Variants in LRRFIP2 observed in about 807,000 individuals in gnomAD.
LRRFIP2 encodes the protein LRR binding FLII interacting protein 2.
A neutral mutation model predicts 125.9 loss-of-function variants in LRRFIP2; 109 were observed. The ratio of observed to expected loss-of-function variants is 0.87; its 90% CI spans 0.74 to 1.01. The LOEUF (loss-of-function observed/expected upper bound fraction) is 1.01, where lower values mean the gene tolerates loss of function less well. Ranked by LOEUF, LRRFIP2 falls within the 50% of genes least tolerant of loss-of-function variation. The probability of loss-of-function intolerance (pLI) is 0.00; values close to 1 mark genes in which losing one functional copy is unlikely to be tolerated. For synonymous variants in LRRFIP2, 291 were observed against 293.1 expected (o/e 0.99, Z 0.07); for missense variants, 850 against 862.3 (o/e 0.99, Z 0.18).
At chr3:37,167,579 A>G (rs1351245323) in intron 1 of LRRFIP2, among the ~76,000 whole-genome samples, 1 of 150,956 alleles carries the variant, frequency 6.6e-6, no homozygotes, top group African/African-American at 2.4e-5. Context: ...GCTTAAACCC[A>G]GGAGGGAGAG....
At chr3:37,130,110 T>A (rs2095389744) in intron 2 of LRRFIP2, among the ~76,000 whole-genome samples, 1 of 152,164 alleles carries the variant, frequency 6.6e-6, no homozygotes, top group Admixed American at 6.5e-5. Flanking sequence ...TGGTACCCAT[T>A]AGTAGTCATT....
chr3:37,094,281 G>A (rs2149218788), intron 17 of LRRFIP2, among the ~76,000 whole-genome samples: 1 of 152,274 alleles, frequency 6.6e-6, no homozygotes, highest in South Asian at 2.1e-4. Flanking sequence ...TCCAAGTAAA[G>A]GGGTTAATAA....
At chr3:37,075,193 G>T in intron 19 of LRRFIP2, 77 bp from the exon 20 acceptor site, 1 of 894,660 alleles carries the variant, frequency 1.1e-6, no homozygotes, top group Non-Finnish European at 1.8e-6. Context: ...ACAACACAGA[G>T]GTTAAGTATG....
chr3:37,110,697 A>G (rs2094516722), intron 9 of LRRFIP2, among the ~76,000 whole-genome samples: 1 of 152,238 alleles, frequency 6.6e-6, no homozygotes. Context: ...AATGAATTAT[A>G]TAATCTAAAT....
intron 6 of LRRFIP2, among the ~76,000 whole-genome samples, chr3:37,121,082 A>G (rs760885117): frequency 2.0e-5 from 3 of 152,230 alleles, no homozygotes; most frequent in Non-Finnish European, 2.9e-5. Context: ...AATTTTCCAC[A>G]TAATAAAATT....
intron 2 of LRRFIP2, among the ~76,000 whole-genome samples, chr3:37,136,288 GA>G (rs1265057037): frequency 6.6e-6 from 1 of 152,200 alleles, no homozygotes; most frequent in Non-Finnish European, 1.5e-5. Context: ...TGGGGAAGGG[GA>G]AGATGAGGAG....
intron 6 of LRRFIP2, among the ~76,000 whole-genome samples, chr3:37,120,007 G>C (rs2094955185): frequency 6.6e-6 from 1 of 151,660 alleles, no homozygotes. Flanking sequence ...TATATCTCCA[G>C]GGAGAAGTAT....
At chr3:37,091,698 G>A (rs957221679) in intron 17 of LRRFIP2, among the ~76,000 whole-genome samples, 160 bp from the exon 18 acceptor site, 3 of 152,132 alleles carry the variant, frequency 2.0e-5, no homozygotes, top group African/African-American at 7.2e-5. Flanking sequence ...CCACTGAAAA[G>A]GGCAAATAGG....
In LRRFIP2 at chr3:37,054,522, G is replaced by A. The variant is rs13059224; in HGVS notation, c.1951-7C>T. The A allele has an allele frequency of 0.019, 31,055 of 1,605,978 alleles. 355 individuals are homozygous for A. The highest frequency in any genetic ancestry group is 0.033 in the Middle Eastern group (199 of 6,036). Reference sequence around the variant, plus strand: ...GTCCCTCAAGCCGGCTAATCTGTAAGTATGAGAACATAGGCCTCTAGTACT... The same window carrying A: ...GTCCCTCAAGCCGGCTAATCTGTAAATATGAGAACATAGGCCTCTAGTACT... On this transcript the variant is annotated splice_polypyrimidine_tract_variant and splice_region_variant and intron_variant, in intron 26 of 27. Transcript: ENST00000336686.
chr3:37,132,907 A>C (rs996703730), intron 2 of LRRFIP2, among the ~76,000 whole-genome samples: 18 of 152,210 alleles, frequency 1.2e-4, no homozygotes, highest in African/African-American at 4.3e-4. Flanking sequence ...TATAACAATA[A>C]AGGACAACCA....
intron 1 of LRRFIP2, among the ~76,000 whole-genome samples, chr3:37,172,418 A>C (rs948805384): frequency 6.6e-6 from 1 of 152,242 alleles, no homozygotes; most frequent in African/African-American, 2.4e-5. Context: ...AGAATGAAAG[A>C]TACAATATAT....
chr3:37,145,499 C>T (rs546064658), intron 2 of LRRFIP2, among the ~76,000 whole-genome samples: 100 of 152,232 alleles, frequency 6.6e-4, no homozygotes, highest in Non-Finnish European at 1.2e-3. Context: ...GAATTTTTTT[C>T]TCCAAATCCC....
At chr3:37,160,709 G>T (rs897219846) in intron 1 of LRRFIP2, among the ~76,000 whole-genome samples, 1 of 151,668 alleles carries the variant, frequency 6.6e-6, no homozygotes, top group Admixed American at 6.6e-5. Context: ...AACCCAGGAG[G>T]CAGAGGTTAC....
intron 18 of LRRFIP2, among the ~76,000 whole-genome samples, chr3:37,084,054 C>T (rs2092851314): frequency 1.3e-5 from 2 of 152,106 alleles, no homozygotes; most frequent in Admixed American, 6.6e-5. Flanking sequence ...AGCAACATAG[C>T]CTCTGAAAGA....
chr3:37,109,532 T>C lies in LRRFIP2; in HGVS notation c.604A>G (p.Ser202Gly), dbSNP rs761968806. 2 of 1,613,972 alleles carry C rather than the reference T, an allele frequency of 1.2e-6. No individual in the cohort carries two copies. Among genetic ancestry groups the C allele is most frequent in the Admixed American group, 3.3e-5 (2 of 60,008 alleles). The change falls in exon 11 of 28, where the codon AGT (serine) becomes GGT (glycine). Residue 202 changes from serine to glycine, a missense_variant. Coordinates refer to ENST00000336686, the MANE Select transcript of LRRFIP2 (RefSeq NM_006309.4). ...TGGAAGAGGAAAATACAAACCAGAC[T>C]GGCACTTCTCAGCAGACCAGAATTT... ...TANSGLLRSA[S>G]LASLYNGGLY... is the part of the protein sequence containing the mutation.
intron 2 of LRRFIP2, among the ~76,000 whole-genome samples, chr3:37,135,484 A>G (rs2095536317): frequency 6.6e-6 from 1 of 151,950 alleles, no homozygotes; most frequent in South Asian, 2.1e-4. Context: ...AACTTCCAGG[A>G]AAAGAGAACT....
In LRRFIP2 at chr3:37,096,620, G is replaced by T; in HGVS notation, c.914C>A (p.Thr305Lys). The T allele has an allele frequency of 6.4e-7, 1 of 1,559,590 alleles. No individual in the cohort carries two copies. The highest frequency in any genetic ancestry group is 8.8e-7 in the Non-Finnish European group (1 of 1,137,686). ...KSDKQYAENY[T>K]RPSSRNSASA... ...CTTAGGAATTTACATACTCACTCTT[G>T]TATAATTTTCAGCATACTGTTTGTC... The change falls in exon 16 of 28, where the codon ACA becomes AAA. Residue 305 changes from threonine to lysine, a missense_variant. Coordinates refer to ENST00000336686, the MANE Select transcript of LRRFIP2 (RefSeq NM_006309.4).
chr3:37,092,008 G>A (rs570207048), intron 17 of LRRFIP2, among the ~76,000 whole-genome samples: 206 of 152,180 alleles, frequency 1.4e-3, no homozygotes, highest in South Asian at 5.4e-3. Flanking sequence ...AAATGAATAT[G>A]AACAAAGTTT....
At chr3:37,065,551 A>C (rs1171779294) in intron 23 of LRRFIP2, 1 of 614,224 alleles carries the variant, frequency 1.6e-6, no homozygotes, top group Non-Finnish European at 3.0e-6. Context: ...TTAAGTAAAA[A>C]CCGATGTGTA....
Sources: gnomAD v4.1 joint callset for allele counts (sites outside exome capture counted in the v4.1 genomes callset) on GRCh38, gnomAD v4.1.1 for gene constraint, MANE v1.5 for transcripts, NCBI Gene and HGNC (gene_info 2026-07-23, HGNC 2026-07-21) for gene names.